IQCN: variants seen among roughly 807,000 people sequenced by gnomAD.
IQCN encodes the protein IQ domain-containing protein N.
Under a neutral mutation model 64.4 loss-of-function variants are expected in IQCN, and 46 were observed. The ratio of observed to expected loss-of-function variants is 0.71; its 90% confidence interval spans 0.56 to 0.91. IQCN has a LOEUF of 0.91. Among genes scored for constraint, IQCN ranks in the 40% least tolerant of loss-of-function variants. The probability of loss-of-function intolerance (pLI) is 0.00; values close to 1 mark genes in which losing one functional copy is unlikely to be tolerated. For synonymous variants in IQCN, 733 were observed against 775.6 expected (o/e 0.95, Z 0.91); for missense variants, 1,753 against 1,857.4 (o/e 0.94, Z 1.03).
At position 18,264,244 on chromosome 19, in the gene IQCN, C is replaced by G. The variant is rs1969490623; in HGVS notation, c.3177+119G>C. ...CCCATCACCGAGGCTCCCACAGTGA[C>G]CACAGATAAGCAGGGTGACCCCCAC... On this transcript the variant is annotated intron_variant, in intron 3 of 3. Coordinates refer to ENST00000392413, the MANE Select transcript of IQCN (RefSeq NM_001145304.2). The surrounding 1 kb of genome is among the most constrained non-coding windows in gnomAD (Gnocchi z 4.3). The G allele has an allele frequency of 1.0e-5, 9 of 889,546 alleles. No individual in the cohort carries two copies. The highest frequency in any genetic ancestry group is 1.5e-5 in the Non-Finnish European group (9 of 604,344). The allele number at this position is 889,546 out of a possible 1,614,324, so 55.1% of individuals were successfully genotyped here.
At chr19:18,269,344 A>G (rs1318498171) in intron 2 of IQCN, 122 bp downstream of exon 2, 1 of 910,060 alleles carries the variant, frequency 1.1e-6, no homozygotes, top group African/African-American at 1.7e-5. Context: ...GGATGCAGAG[A>G]GAGCTGGGAC....
At chr19:18,269,054 C>T (rs1249750171) in intron 2 of IQCN, among the ~76,000 whole-genome samples, 3 of 151,896 alleles carry the variant, frequency 2.0e-5, no homozygotes, top group South Asian at 2.1e-4. Context: ...TGCTTGAACC[C>T]GGGAGGAGGA....
At chr19:18,269,655 C>T in intron 1 of IQCN, 68 bp from the exon 2 acceptor site, 1 of 423,092 alleles carries the variant, frequency 2.4e-6, no homozygotes, top group Non-Finnish European at 4.1e-6. Flanking sequence ...TTTCTAAATT[C>T]TAAAAAAGCT....
At chr19:18,260,464 G>C (rs1969400877) in intron 3 of IQCN, 1 of 152,720 alleles carries the variant, frequency 6.5e-6, no homozygotes, top group Non-Finnish European at 1.5e-5. Flanking sequence ...TTGAGGCCAT[G>C]ACATGTACCA....
rs1268007657 is a variant in IQCN, at chr19:18,266,046, T to G, written c.1494A>C (p.Pro498=). ...GGGCTGGGGTCTTGGTTATCATGGC[T>G]GGCAGGCGGGTCTGGGGTGAGGGCT... ...VTKPSPQTRL[P]AMITKTPAQL... is the part of the protein sequence containing the mutation. The change falls in exon 3 of 4, where the codon CCA becomes CCC. Residue 498 remains proline (P), a synonymous_variant. Transcript: ENST00000392413. This position sits in a 1 kb window ranked among gnomAD's most constrained non-coding sequence, Gnocchi z 4.3. The G allele has an allele frequency of 3.1e-6, 5 of 1,614,092 alleles. No homozygotes were observed. In the South Asian group the frequency reaches 5.5e-5, roughly 18 times the overall value.
intron 2 of IQCN, 35 bp from the exon 3 acceptor site, chr19:18,267,561 A>C: frequency 6.7e-7 from 1 of 1,495,590 alleles, no homozygotes; most frequent in Non-Finnish European, 8.9e-7. Context: ...AGGGTGTAGC[A>C]GGTCCTGCAA....
Position 18,266,358 on chromosome 19 carries a change from T to C in IQCN, c.1182A>G (p.Thr394=). The C allele has an allele frequency of 6.2e-7, 1 of 1,611,546 alleles. No individual in the cohort carries two copies. The highest frequency in any genetic ancestry group is 8.5e-7 in the Non-Finnish European group (1 of 1,178,998). The change falls in exon 3 of 4, where the codon ACA becomes ACG. Residue 394 remains threonine (T), a synonymous_variant. Transcript: ENST00000392413. The surrounding 1 kb of genome is among the most constrained non-coding windows in gnomAD (Gnocchi z 4.3). Reference sequence around the variant, plus strand: ...TCTTGGTCATTGTGGGCATGGGGCATGTGTGAGGTGCAGTTTTGGTCACTG... The same window carrying C: ...TCTTGGTCATTGTGGGCATGGGGCACGTGTGAGGTGCAGTTTTGGTCACTG... ...GPTVTKTAPH[T]CPMPTMTKIQ...
At position 18,267,487 on chromosome 19, in the gene IQCN, C is replaced by T; in HGVS notation, c.53G>A (p.Gly18Asp). 1.3e-6 allele frequency: 2 copies of T among 1,529,490 alleles called. No individual in the cohort carries two copies. The highest frequency in any genetic ancestry group is 2.8e-5 in the African/African-American group (2 of 72,180). The allele number at this position is 1,529,490 out of a possible 1,614,324, so 94.7% of individuals were successfully genotyped here. A position where few individuals can be genotyped will look rare whatever the true frequency, so the allele number is the denominator to read the frequency against. The stretch of plus-strand genomic sequence containing the variant: ...TGGCTCGTGAACTGTAGCTAGGCGG[C>T]CGGCTGCATTGCCTTGATTACCGGA... ...DLSGNQGNAA[G>D]RLATVHEPVV... The change falls in exon 3 of 4, where the codon GGC becomes GAC. Residue 18 changes from glycine (G) to aspartate (D), a missense_variant. Physicochemically the swap from Gly to Asp is moderately conservative, Grantham distance 94. Coordinates refer to ENST00000392413, the MANE Select transcript of IQCN (RefSeq NM_001145304.2).
At chr19:18,272,873 G>C (rs1448185640) in intron 1 of IQCN, among the ~76,000 whole-genome samples, 1 of 151,900 alleles carries the variant, frequency 6.6e-6, no homozygotes, top group Non-Finnish European at 1.5e-5. Flanking sequence ...GCCTCCCAAA[G>C]TGCTGGGATT....
intron 3 of IQCN, chr19:18,260,734 A>G (rs1969408365): frequency 6.6e-6 from 1 of 152,630 alleles, no homozygotes. Flanking sequence ...CTGGCCACAT[A>G]TGGGTGAGCT....
At position 18,265,008 on chromosome 19, in the gene IQCN, G is replaced by A; in HGVS notation, c.2532C>T (p.Cys844=). 1 of 1,604,324 alleles carries A rather than the reference G, an allele frequency of 6.2e-7. No homozygotes were observed. Among genetic ancestry groups the A allele is most frequent in the African/African-American group, 1.3e-5 (1 of 75,052 alleles). The change falls in exon 3 of 4, where the codon TGC becomes TGT. Residue 844 remains cysteine, a synonymous_variant. Transcript: ENST00000392413. The surrounding 1 kb of genome is among the most constrained non-coding windows in gnomAD (Gnocchi z 4.7). ...CGTTGTCTCCCCAGGACTCAACGTT[G>A]CATGTGGAATGGCCGGTGGGTGCCA... ...PPMAPTGHST[C]NVESWGDNGA...
Position 18,267,494 on chromosome 19 carries a change from CATTGCCTTGA to C in IQCN, c.36_45del (p.Asn12LysfsTer6). 6.5e-7 allele frequency: 1 copy of C among 1,529,144 alleles called. No individual in the cohort carries two copies. Among genetic ancestry groups the C allele is most frequent in the Non-Finnish European group, 8.8e-7 (1 of 1,141,292 alleles). The allele number at this position is 1,529,144 out of a possible 1,614,324, so 94.7% of individuals were successfully genotyped here. On this transcript the variant is annotated frameshift_variant, in exon 3 of 4. Coordinates refer to ENST00000392413, the MANE Select transcript of IQCN (RefSeq NM_001145304.2). LOFTEE classifies it high-confidence loss of function. ...TGAACTGTAGCTAGGCGGCCGGCTG[CATTGCCTTGA>C]TTACCGGACAGGTCAGCTCTGCCTG...
chr19:18,269,223 CTG>C (rs1400973376), intron 2 of IQCN, among the ~76,000 whole-genome samples: 2 of 148,350 alleles, frequency 1.3e-5, no homozygotes, highest in East Asian at 4.2e-4. Flanking sequence ...AGGAGGTAGA[CTG>C]ATGGGTGGAT....
In IQCN at chr19:18,264,856, C is replaced by G; in HGVS notation, c.2684G>C (p.Arg895Pro). 1 of 1,602,428 alleles carries G rather than the reference C, an allele frequency of 6.2e-7. No individual in the cohort carries two copies. The stretch of plus-strand genomic sequence containing the variant: ...GGAGAGGGCTTTGGCCAACAGAGTG[C>G]GGAGATCCTCCTGGGATGCCAGCAC... ...AGVLASQEDL[R>P]TLLAKALSQG... is the part of the protein sequence containing the mutation. Residue 895 changes from arginine (R) to proline (P), a missense_variant, in exon 3 of 4, where the codon CGC (arginine) becomes CCC (proline). By Grantham distance (103) the Arg-to-Pro change is moderately radical. Coordinates refer to ENST00000392413, the MANE Select transcript of IQCN (RefSeq NM_001145304.2). The surrounding 1 kb of genome is among the most constrained non-coding windows in gnomAD (Gnocchi z 4.3).
intron 3 of IQCN, chr19:18,261,388 C>CA: frequency 6.5e-6 from 1 of 153,876 alleles, no homozygotes; most frequent in East Asian, 1.9e-4. Flanking sequence ...GGGGACACTC[C>CA]AATGGTCTGA....
intron 2 of IQCN, 25 bp downstream of exon 2, chr19:18,269,441 C>T (rs751711608): frequency 3.7e-6 from 6 of 1,612,952 alleles, no homozygotes; most frequent in Non-Finnish European, 5.1e-6. Context: ...TAGCCAGACC[C>T]CTTGCCCATA....
chr19:18,266,999 G>A lies in IQCN; in HGVS notation c.541C>T (p.Leu181Phe), dbSNP rs2148107238. The A allele has an allele frequency of 6.2e-7, 1 of 1,614,226 alleles. No individual in the cohort carries two copies. Among genetic ancestry groups the A allele is most frequent in the Non-Finnish European group, 8.5e-7 (1 of 1,180,024 alleles). ...VRFQHPEENR[L>F]LSPPIMVNKE... ...TTCACCATGATGGGCGGGGACAGAA[G>A]GCGGTTCTCTTCCGGATGCTGGAAG... Residue 181 changes from leucine (L) to phenylalanine (F), a missense_variant, in exon 3 of 4, where the codon CTT becomes TTT. Physicochemically the swap from Leu to Phe is conservative, Grantham distance 22. Transcript: ENST00000392413. This position sits in a 1 kb window ranked among gnomAD's most constrained non-coding sequence, Gnocchi z 4.3.
rs546947735 is a variant in IQCN, at chr19:18,269,513, T to A, written c.-35A>T. ...GGAGTAGCAGGAGAAGAAGGTGCAA[T>A]CTCAGAAGCCAGCCTGCAAGAGGAG... On this transcript the variant is annotated 5_prime_UTR_variant, in exon 2 of 4. Transcript: ENST00000392413. 6.2e-7 allele frequency: 1 copy of A among 1,613,284 alleles called. No individual in the cohort carries two copies. Among genetic ancestry groups the A allele is most frequent in the Admixed American group, 1.7e-5 (1 of 60,002 alleles).
Position 18,266,570 on chromosome 19 carries a change from T to C in IQCN, c.970A>G (p.Lys324Glu). 1 of 1,613,450 alleles carries C rather than the reference T, an allele frequency of 6.2e-7. No homozygotes were observed. The highest frequency in any genetic ancestry group is 8.5e-7 in the Non-Finnish European group (1 of 1,179,642). ...CCTGGACATATCTGGAAGGGGGCTTTGGGGGTCTCTGCTTTCACAGGGCCC... is the reference window on the plus strand; with the variant it reads ...CCTGGACATATCTGGAAGGGGGCTTCGGGGGTCTCTGCTTTCACAGGGCCC... Reference protein sequence around the residue: ...TQGPVKAETPKAPFQICPGPM... With the variant: ...TQGPVKAETPEAPFQICPGPM... Residue 324 changes from lysine (K) to glutamate (E), a missense_variant, in exon 3 of 4, where the codon AAA (lysine) becomes GAA (glutamate). Coordinates refer to ENST00000392413, the MANE Select transcript of IQCN (RefSeq NM_001145304.2). This position sits in a 1 kb window ranked among gnomAD's most constrained non-coding sequence, Gnocchi z 4.3.
Sources: allele counts gnomAD v4.1 joint callset (sites outside exome capture counted in the v4.1 genomes callset), GRCh38; gene constraint gnomAD v4.1.1; non-coding constraint Gnocchi (gnomAD v3.1); transcripts MANE v1.5; gene names NCBI Gene and HGNC (gene_info 2026-07-23, HGNC 2026-07-21).